ELP4: variants seen among roughly 807,000 people sequenced by gnomAD.
ELP4 encodes the protein elongator acetyltransferase complex subunit 4.
A neutral mutation model predicts 48.9 loss-of-function variants in ELP4; 51 were observed. The observed-to-expected ratio is 1.04, with a 90% CI of 0.83 to 1.32. ELP4 has a LOEUF of 1.32. Among genes scored for constraint, ELP4 ranks in the 40% most tolerant of loss-of-function variants. The pLI is 0.00. For missense variants in ELP4, 519 were observed against 514.6 expected (o/e 1.01, Z -0.08); for synonymous variants, 210 against 189.2 (o/e 1.11, Z -0.90).
At chr11:31,546,261 A>G (rs1408199158) in intron 3 of ELP4, among the ~76,000 whole-genome samples, 1 of 152,074 alleles carries the variant, frequency 6.6e-6, no homozygotes, top group Admixed American at 6.5e-5. Context: ...AGAGACACAC[A>G]TAGGCTCAAA....
At chr11:31,571,678 C>T (rs1039114179) in intron 3 of ELP4, among the ~76,000 whole-genome samples, 4 of 152,146 alleles carry the variant, frequency 2.6e-5, no homozygotes, top group Admixed American at 2.6e-4. Context: ...TGAAATTACT[C>T]CTGATCCATG....
intron 3 of ELP4, among the ~76,000 whole-genome samples, chr11:31,561,336 A>G (rs377034876): frequency 1.3e-5 from 2 of 152,196 alleles, no homozygotes; most frequent in Admixed American, 6.5e-5. Flanking sequence ...ATTTTTATGG[A>G]TAGAAATATT....
intron 9 of ELP4, among the ~76,000 whole-genome samples, chr11:31,674,858 A>G (rs75548676): frequency 0.02 from 2,990 of 152,320 alleles, 94 homozygotes; most frequent in African/African-American, 0.068. Context: ...TTCTGTCCAT[A>G]TTAGTAAAAC....
chr11:31,615,691 A>G (rs1944466327), intron 5 of ELP4, among the ~76,000 whole-genome samples: 2 of 152,090 alleles, frequency 1.3e-5, no homozygotes, highest in East Asian at 1.9e-4. Flanking sequence ...AACAGTGGCT[A>G]TATTTCATGT....
chr11:31,575,636 C>G (rs11602812), intron 3 of ELP4, among the ~76,000 whole-genome samples: 29 of 152,164 alleles, frequency 1.9e-4, no homozygotes, highest in Non-Finnish European at 3.2e-4. Flanking sequence ...GGCCAATATT[C>G]AACATTCTTA....
intron 4 of ELP4, among the ~76,000 whole-genome samples, chr11:31,603,057 A>G (rs539317051): frequency 5.2e-4 from 79 of 152,072 alleles, no homozygotes; most frequent in African/African-American, 1.9e-3. Context: ...AGTTTCTTAT[A>G]AGAAAGATAA....
At chr11:31,627,648 A>G (rs1032977396) in intron 6 of ELP4, among the ~76,000 whole-genome samples, 1 of 152,036 alleles carries the variant, frequency 6.6e-6, no homozygotes, top group Non-Finnish European at 1.5e-5. Context: ...TTTATTTGCC[A>G]TATTAAATAT....
At chr11:31,703,509 C>T (rs1187207532) in intron 9 of ELP4, among the ~76,000 whole-genome samples, 4 of 152,106 alleles carry the variant, frequency 2.6e-5, no homozygotes. Flanking sequence ...GAATTTGAAG[C>T]AGTTACCTAA....
chr11:31,621,931 G>C (rs1384447585), intron 5 of ELP4, among the ~76,000 whole-genome samples: 1 of 151,798 alleles, frequency 6.6e-6, no homozygotes, highest in Non-Finnish European at 1.5e-5. Context: ...TGCCGTTTGT[G>C]TCCCTTAATT....
chr11:31,630,619 G>A (rs1295423250), intron 6 of ELP4, among the ~76,000 whole-genome samples: 1 of 151,976 alleles, frequency 6.6e-6, no homozygotes, highest in African/African-American at 2.4e-5. Flanking sequence ...GTGAACCACA[G>A]CGCCTGGCTT....
At chr11:31,708,274 A>T (rs1240845073) in intron 9 of ELP4, among the ~76,000 whole-genome samples, 1 of 152,114 alleles carries the variant, frequency 6.6e-6, no homozygotes, top group African/African-American at 2.4e-5. Flanking sequence ...GCCACAACAA[A>T]GCCATCAGAG....
chr11:31,553,049 GTCCTAC>G (rs1565050040), intron 3 of ELP4, among the ~76,000 whole-genome samples: 6 of 152,166 alleles, frequency 3.9e-5, no homozygotes, highest in Admixed American at 3.9e-4. Flanking sequence ...ATGTTACAAC[GTCCTAC>G]TCCCACTCCC....
At chr11:31,626,192 A>G (rs1944740252) in intron 5 of ELP4, among the ~76,000 whole-genome samples, 1 of 151,842 alleles carries the variant, frequency 6.6e-6, no homozygotes, top group Non-Finnish European at 1.5e-5. Context: ...TGCTGCATTC[A>G]TGCTTCAAAT....
At chr11:31,778,444 G>T (rs539978147) in intron 9 of ELP4, among the ~76,000 whole-genome samples, 2 of 152,248 alleles carry the variant, frequency 1.3e-5, no homozygotes, top group South Asian at 4.1e-4. Flanking sequence ...ATATTTGTTC[G>T]TTATATTTGT....
chr11:31,607,552 C>T (rs1957899360), intron 5 of ELP4, among the ~76,000 whole-genome samples: 1 of 152,124 alleles, frequency 6.6e-6, no homozygotes, highest in Non-Finnish European at 1.5e-5. Context: ...AGAGAGGAGC[C>T]CTGATGACAT....
intron 9 of ELP4, chr11:31,767,267 G>T (rs1205194105): frequency 6.6e-6 from 1 of 152,060 alleles, no homozygotes; most frequent in Non-Finnish European, 1.5e-5. Flanking sequence ...AAACTTCAGG[G>T]TTTCTACTTG....
At chr11:31,556,423 T>C (rs1191371921) in intron 3 of ELP4, among the ~76,000 whole-genome samples, 1 of 151,724 alleles carries the variant, frequency 6.6e-6, no homozygotes, top group African/African-American at 2.4e-5. Context: ...GATTTAAACA[T>C]TTATTAGTAG....
At chr11:31,585,684 A>C (rs146306887) in intron 3 of ELP4, among the ~76,000 whole-genome samples, 1 of 152,240 alleles carries the variant, frequency 6.6e-6, no homozygotes, top group Non-Finnish European at 1.5e-5. Flanking sequence ...ATGAGTAGAT[A>C]AAAAGAATAA....
intron 3 of ELP4, among the ~76,000 whole-genome samples, chr11:31,544,569 G>A (rs1418956623): frequency 6.6e-6 from 1 of 152,238 alleles, no homozygotes; most frequent in Non-Finnish European, 1.5e-5. Context: ...ACCTCTCGGG[G>A]CAGGGCACAG....
Sources: allele counts gnomAD v4.1 joint callset (sites outside exome capture counted in the v4.1 genomes callset), GRCh38; gene constraint gnomAD v4.1.1; transcripts MANE v1.5; gene names NCBI Gene and HGNC (gene_info 2026-07-23, HGNC 2026-07-21).